The following ERP27 variants were observed in gnomAD, a reference collection of about 807,000 sequenced individuals.
ERP27 encodes endoplasmic reticulum protein 27.
A neutral mutation model predicts 27.7 loss-of-function variants in ERP27; 23 were observed. That is an observed-to-expected ratio of 0.83 (90% CI 0.60 to 1.18). The LOEUF (loss-of-function observed/expected upper bound fraction) is 1.18, where lower values mean the gene tolerates loss of function less well. Among genes scored for constraint, ERP27 ranks in the 50% most tolerant of loss-of-function variants. The pLI is 0.00. For missense variants in ERP27, 363 were observed against 327.9 expected (o/e 1.11, Z -0.83); for synonymous variants, 159 against 118.3 (o/e 1.34, Z -2.23).
At chr12:14,930,129 G>C (rs755437630) in intron 3 of ERP27, among the ~76,000 whole-genome samples, 50 of 151,804 alleles carry the variant, frequency 3.3e-4, no homozygotes, top group Admixed American at 8.5e-4. Context: ...ACACGTACAC[G>C]ATATAACAAA....
chr12:14,915,490 A>G lies in ERP27; in HGVS notation c.773T>C (p.Leu258Ser). Residue 258 changes from leucine to serine, a missense_variant and splice_region_variant, in exon 6 of 7, where the codon TTG (leucine) becomes TCG (serine). Coordinates refer to ENST00000266397, the MANE Select transcript of ERP27 (RefSeq NM_152321.4). ...FCDGFLSGKL[L>S]KENRESEGKT... is the part of the protein sequence containing the mutation. Reference sequence around the variant, plus strand: ...CTTTACCTGCAGTCTCACACTTACCAACAATTTTCCACTTAGGAATCCATC... The same window carrying G: ...CTTTACCTGCAGTCTCACACTTACCGACAATTTTCCACTTAGGAATCCATC... 1 of 1,613,850 alleles carries G rather than the reference A, an allele frequency of 6.2e-7. No individual in the cohort carries two copies. The highest frequency in any genetic ancestry group is 8.5e-7 in the Non-Finnish European group (1 of 1,179,718).
At chr12:14,938,187 A>T in intron 1 of ERP27, 135 bp from the exon 2 acceptor site, 1 of 798,252 alleles carries the variant, frequency 1.3e-6, no homozygotes, top group Non-Finnish European at 2.1e-6. Context: ...TTGGCATTCC[A>T]AGGCATAATA....
At position 14,917,164 on chromosome 12, in the gene ERP27, C is replaced by T. The variant is rs1409486459; in HGVS notation, c.576+14G>A. The stretch of plus-strand genomic sequence containing the variant: ...AGGTGTGTATGCAATAGGATATTCC[C>T]ATTCTTGCCTTACCTTCCCCTGGAA... On this transcript the variant is annotated intron_variant, in intron 5 of 6. Coordinates refer to ENST00000266397, the MANE Select transcript of ERP27 (RefSeq NM_152321.4). 1.2e-6 allele frequency: 2 copies of T among 1,613,878 alleles called. No homozygotes were observed. The highest frequency in any genetic ancestry group is 2.2e-5 in the East Asian group (1 of 44,892).
At chr12:14,931,911 C>G (rs371532389) in intron 3 of ERP27, among the ~76,000 whole-genome samples, 1 of 152,136 alleles carries the variant, frequency 6.6e-6, no homozygotes, top group Admixed American at 6.5e-5. Flanking sequence ...AATGGCAACA[C>G]GAAAGGCATT....
At position 14,914,695 on chromosome 12, in the gene ERP27, A is replaced by G. The variant is rs368529986; in HGVS notation, c.*40T>C. ...TTTGAGTTGTGCCTTTTTACTTTGCATAAAGTAGATACTTGGCCATATGTA... is the reference window on the plus strand; with the variant it reads ...TTTGAGTTGTGCCTTTTTACTTTGCGTAAAGTAGATACTTGGCCATATGTA... On this transcript the variant is annotated 3_prime_UTR_variant, in exon 7 of 7. Coordinates refer to ENST00000266397, the MANE Select transcript of ERP27 (RefSeq NM_152321.4). 3 of 1,583,120 alleles carry G rather than the reference A, an allele frequency of 1.9e-6. No individual in the cohort carries two copies. The highest frequency in any genetic ancestry group is 1.7e-5 in the Admixed American group (1 of 57,518).
intron 2 of ERP27, 57 bp from the exon 3 acceptor site, chr12:14,935,050 C>T (rs954139747): frequency 2.9e-5 from 45 of 1,572,290 alleles, no homozygotes; most frequent in South Asian, 4.6e-5. Context: ...CAGAGACAAA[C>T]GATAGGCAAA....
At chr12:14,921,183 C>T (rs764502892) in intron 3 of ERP27, 135 bp from the exon 4 acceptor site, 90 of 683,450 alleles carry the variant, frequency 1.3e-4, no homozygotes, top group Admixed American at 7.8e-5. Context: ...GTTTCTCTGC[C>T]CTAGGGGGAC....
chr12:14,915,701 G>A lies in ERP27; in HGVS notation c.577-15C>T, dbSNP rs779789556. ...ATAAAGAGAATCTGCAGTTGGGGAA[G>A]TTTGAAAGAAAAAGTTCTATCTGAG... On this transcript the variant is annotated splice_polypyrimidine_tract_variant and intron_variant, in intron 5 of 6. Transcript: ENST00000266397. 54 of 1,609,174 alleles carry A rather than the reference G, an allele frequency of 3.4e-5. No individual in the cohort carries two copies. The highest frequency in any genetic ancestry group is 4.2e-5 in the Non-Finnish European group (49 of 1,176,520).
chr12:14,926,246 C>T (rs1863600656), intron 3 of ERP27, among the ~76,000 whole-genome samples: 1 of 152,190 alleles, frequency 6.6e-6, no homozygotes, highest in African/African-American at 2.4e-5. Context: ...TATTCTTTCT[C>T]TCTAGGAATC....
At chr12:14,938,368 T>C (rs1303929981) in intron 1 of ERP27, 47 bp downstream of exon 1, 4 of 1,578,960 alleles carry the variant, frequency 2.5e-6, no homozygotes, top group Non-Finnish European at 3.5e-6. Context: ...TTCCTTCTCC[T>C]AATAACACTT....
intron 3 of ERP27, among the ~76,000 whole-genome samples, chr12:14,923,826 G>A (rs1863553216): frequency 6.6e-6 from 1 of 151,960 alleles, no homozygotes; most frequent in South Asian, 2.1e-4. Context: ...TAGCATATCC[G>A]TTGCTTCAAA....
chr12:14,926,025 C>T (rs1032747018), intron 3 of ERP27, among the ~76,000 whole-genome samples: 2 of 151,646 alleles, frequency 1.3e-5, no homozygotes, highest in African/African-American at 4.8e-5. Flanking sequence ...GCAAAGATTG[C>T]ACCACTGCAC....
Position 14,934,280 on chromosome 12 carries a change from G to A in ERP27, c.333+576C>T, listed in dbSNP as rs528817475. 2.0e-5 allele frequency among the ~76,000 whole-genome samples: 3 copies of A among 151,242 alleles called. No individual in the cohort carries two copies. In the South Asian group the frequency reaches 6.3e-4, roughly 32 times the overall value. On this transcript the variant is annotated intron_variant, in intron 3 of 6. Transcript: ENST00000266397. ...TCTTTTTTTTCAGAATTCCCACACT[G>A]TTTCTATCCTTTGAACTGTGATAAA...
chr12:14,917,139 A>C, intron 5 of ERP27, 39 bp downstream of exon 5: 1 of 1,612,336 alleles, frequency 6.2e-7, no homozygotes, highest in South Asian at 1.1e-5. Context: ...AGTGTCCTGG[A>C]GGTGTGTATG....
At chr12:14,919,727 C>T (rs1239057102) in intron 4 of ERP27, among the ~76,000 whole-genome samples, 3 of 152,190 alleles carry the variant, frequency 2.0e-5, no homozygotes, top group African/African-American at 7.2e-5. Context: ...GCTTGAATTA[C>T]TAGCCATAGG....
intron 2 of ERP27, among the ~76,000 whole-genome samples, chr12:14,936,667 A>G (rs1182622321): frequency 6.6e-6 from 1 of 152,078 alleles, no homozygotes; most frequent in Non-Finnish European, 1.5e-5. Context: ...AGTTTCCCCC[A>G]TGCTGTTCTC....
At chr12:14,932,810 T>C (rs957717222) in intron 3 of ERP27, among the ~76,000 whole-genome samples, 2 of 152,182 alleles carry the variant, frequency 1.3e-5, no homozygotes, top group African/African-American at 4.8e-5. Context: ...AGATTCAAGA[T>C]AGAAGATACA....
chr12:14,927,503 T>A (rs1863622238), intron 3 of ERP27, among the ~76,000 whole-genome samples: 1 of 24,396 alleles, frequency 4.1e-5, no homozygotes, highest in Non-Finnish European at 1.0e-4. Flanking sequence ...TGAAAGGTGT[T>A]GTACTAGATT....
intron 3 of ERP27, among the ~76,000 whole-genome samples, chr12:14,933,941 T>C (rs1254849539): frequency 3.3e-5 from 5 of 152,202 alleles, no homozygotes; most frequent in African/African-American, 1.2e-4. Flanking sequence ...AAATCCATCC[T>C]CCACCTTGCT....
Sources: gnomAD v4.1 joint callset for allele counts (sites outside exome capture counted in the v4.1 genomes callset) on GRCh38, gnomAD v4.1.1 for gene constraint, MANE v1.5 for transcripts, NCBI Gene and HGNC (gene_info 2026-07-23, HGNC 2026-07-21) for gene names.